Variants in KCMF1 observed in about 807,000 individuals in gnomAD.
KCMF1 encodes the protein E3 ubiquitin-protein ligase KCMF1.
In KCMF1, 3 loss-of-function variants were observed where a neutral mutation model predicts 41.1. That is an observed-to-expected ratio of 0.07 (90% confidence interval 0.03 to 0.19). KCMF1 has a LOEUF of 0.19. KCMF1 is among the 10% of genes least tolerant of loss of function. The pLI, the probability that KCMF1 is intolerant of heterozygous loss-of-function variation, is 1.00. For synonymous variants in KCMF1, 142 were observed against 164.5 expected (o/e 0.86, Z 1.04); for missense variants, 286 against 488.9 (o/e 0.58, Z 3.91).
At chr2:84,981,468 C>T (rs989803113) in intron 1 of KCMF1, among the ~76,000 whole-genome samples, 5 of 152,174 alleles carry the variant, frequency 3.3e-5, no homozygotes, top group South Asian at 2.1e-4. Flanking sequence ...GGATTACAGG[C>T]GTGAGCCACC....
At chr2:84,983,388 G>A (rs552454329) in intron 1 of KCMF1, among the ~76,000 whole-genome samples, 1 of 151,968 alleles carries the variant, frequency 6.6e-6, no homozygotes, top group South Asian at 2.1e-4. Flanking sequence ...GTGTGGGGGT[G>A]TGATCGTACC....
intron 1 of KCMF1, 45 bp from the exon 2 acceptor site, chr2:85,027,844 G>A: frequency 8.3e-7 from 1 of 1,207,126 alleles, no homozygotes; most frequent in Non-Finnish European, 1.2e-6. Context: ...GAAATCAAGA[G>A]TGGCCTTTAC....
rs977318932 is a variant in KCMF1, at chr2:84,972,566, T to C, written c.16+1099T>C. Among the ~76,000 whole-genome samples, 47 of 152,184 alleles carry C rather than the reference T, an allele frequency of 3.1e-4. 1 individual carries two copies. The highest frequency in any genetic ancestry group is 4.4e-5 in the Non-Finnish European group (3 of 68,040). ...AGATTGTAGAAGTGGCTTGAAAGTT[T>C]GTGTACTCCGGATTTTAAAATCCTG... On this transcript the variant is annotated intron_variant, in intron 1 of 6. Coordinates refer to ENST00000409785, the MANE Select transcript of KCMF1 (RefSeq NM_020122.5).
chr2:85,024,487 AAAAC>A (rs1312999790), intron 1 of KCMF1, among the ~76,000 whole-genome samples: 3 of 152,008 alleles, frequency 2.0e-5, no homozygotes, highest in African/African-American at 7.2e-5. Context: ...GAATAAAACA[AAAAC>A]AAAAGATGAA....
chr2:84,995,556 T>G (rs1456214537), intron 1 of KCMF1, among the ~76,000 whole-genome samples: 1 of 152,226 alleles, frequency 6.6e-6, no homozygotes, highest in Non-Finnish European at 1.5e-5. Context: ...CTGTCACTGA[T>G]GTGAGCTACT....
chr2:85,041,759 GTC>G (rs372761678), intron 3 of KCMF1, among the ~76,000 whole-genome samples: 56 of 142,414 alleles, frequency 3.9e-4, no homozygotes, highest in East Asian at 3.9e-3. Flanking sequence ...AACATTGCTG[GTC>G]TTTTTTTTTT....
intron 1 of KCMF1, among the ~76,000 whole-genome samples, chr2:85,005,280 T>A (rs956381380): frequency 7.3e-5 from 11 of 151,628 alleles, no homozygotes; most frequent in Admixed American, 4.6e-4. Flanking sequence ...TATTTTGCTT[T>A]TTTATTTATT....
chr2:84,998,822 G>A (rs549620090), intron 1 of KCMF1, among the ~76,000 whole-genome samples: 10 of 151,008 alleles, frequency 6.6e-5, no homozygotes, highest in Admixed American at 2.0e-4. Context: ...ATGTTGGTCA[G>A]GCTGGTCTTG....
chr2:85,030,368 T>C (rs940413749), intron 2 of KCMF1, among the ~76,000 whole-genome samples: 4 of 152,326 alleles, frequency 2.6e-5, no homozygotes, highest in Non-Finnish European at 5.9e-5. Flanking sequence ...TATTTTTTCA[T>C]TTGTTGTGCA....
At chr2:85,013,328 T>C (rs868740066) in intron 1 of KCMF1, among the ~76,000 whole-genome samples, 14 of 152,186 alleles carry the variant, frequency 9.2e-5, no homozygotes, top group African/African-American at 2.9e-4. Context: ...CAATGAGCTG[T>C]CATGTGCCTT....
intron 1 of KCMF1, among the ~76,000 whole-genome samples, chr2:84,992,022 T>A (rs1674051407): frequency 6.6e-6 from 1 of 152,172 alleles, no homozygotes; most frequent in African/African-American, 2.4e-5. Flanking sequence ...ACTCTTAAGT[T>A]TTTCCTGAGA....
intron 5 of KCMF1, among the ~76,000 whole-genome samples, chr2:85,047,596 TAA>T (rs202167081): frequency 0.01 from 1,332 of 132,028 alleles, 27 homozygotes; most frequent in East Asian, 0.081. Context: ...GGAAAAATCT[TAA>T]AAAAAAAAAA....
At chr2:84,976,280 C>G (rs973394497) in intron 1 of KCMF1, among the ~76,000 whole-genome samples, 1 of 150,568 alleles carries the variant, frequency 6.6e-6, no homozygotes, top group Non-Finnish European at 1.5e-5. Flanking sequence ...GATCTTGTCT[C>G]ACTACATCCT....
At chr2:85,039,290 G>A (rs1226031176) in intron 3 of KCMF1, among the ~76,000 whole-genome samples, 2 of 152,168 alleles carry the variant, frequency 1.3e-5, no homozygotes, top group Admixed American at 1.3e-4. Context: ...ATAAAGAATA[G>A]TTTTTAAAGC....
intron 3 of KCMF1, among the ~76,000 whole-genome samples, chr2:85,043,164 G>A (rs1451661180): frequency 6.6e-6 from 1 of 152,138 alleles, no homozygotes; most frequent in Non-Finnish European, 1.5e-5. Context: ...TTGGGAATTG[G>A]CTCTCAAGTA....
intron 1 of KCMF1, among the ~76,000 whole-genome samples, chr2:84,976,476 G>T (rs1427724982): frequency 6.6e-6 from 1 of 151,906 alleles, no homozygotes; most frequent in African/African-American, 2.4e-5. Flanking sequence ...AAAGTGCTGG[G>T]ATTACCGGTA....
At chr2:84,995,054 C>T (rs1674142807) in intron 1 of KCMF1, among the ~76,000 whole-genome samples, 1 of 150,094 alleles carries the variant, frequency 6.7e-6, no homozygotes, top group South Asian at 2.1e-4. Flanking sequence ...TGGAGTCTTG[C>T]TCTGTTGCCC....
In KCMF1 at chr2:84,974,492, T is replaced by G. The variant is rs1013931264; in HGVS notation, c.16+3025T>G. On this transcript the variant is annotated intron_variant, in intron 1 of 6. Coordinates refer to ENST00000409785, the MANE Select transcript of KCMF1 (RefSeq NM_020122.5). ...TGCAACCAGGAGCATAGAGAGATGC[T>G]CTAGTCCCGGGTTCAGCATGCTTCT... Among the ~76,000 whole-genome samples the G allele has an allele frequency of 5.3e-5, 8 of 151,558 alleles. No homozygotes were observed. The East Asian group carries it at 1.6e-3, about 29-fold the overall frequency.
At chr2:85,040,458 C>T (rs1675501128) in intron 3 of KCMF1, among the ~76,000 whole-genome samples, 1 of 152,162 alleles carries the variant, frequency 6.6e-6, no homozygotes, top group Admixed American at 6.5e-5. Flanking sequence ...TCTCTCCTCC[C>T]ACTCCCCACC....
Sources: allele counts gnomAD v4.1 joint callset (sites outside exome capture counted in the v4.1 genomes callset), GRCh38; gene constraint gnomAD v4.1.1; transcripts MANE v1.5; gene names NCBI Gene and HGNC (gene_info 2026-07-23, HGNC 2026-07-21).